Variants in DMD observed in about 807,000 individuals in gnomAD.
DMD encodes mutant dystrophin.
DMD carries 63 observed loss-of-function variants against 330.1 expected under a neutral mutation model. The observed-to-expected ratio is 0.19, with a 90% CI of 0.16 to 0.24. The LOEUF (loss-of-function observed/expected upper bound fraction) is 0.24. Ranked by LOEUF, DMD falls within the 10% of genes least tolerant of loss-of-function variation. The pLI is 1.00. For missense variants in DMD, 3,344 were observed against 2,684.1 expected (o/e 1.25, Z -5.43); for synonymous variants, 1,223 against 959.8 (o/e 1.27, Z -5.07).
rs182968772 is a variant in DMD, at chrX:33,206,490, G to A, written c.31+4792C>T. ...GTTCATAATGACAGAGTGAAAGTGA[G>A]GCATTGAGGGAGAAGGCAAAAGATC... On this transcript the variant is annotated intron_variant, in intron 1 of 78. Transcript: ENST00000357033. Among the ~76,000 whole-genome samples, 186 of 111,556 alleles carry A rather than the reference G, an allele frequency of 1.7e-3. 2 individuals carry two copies. The highest frequency in any genetic ancestry group is 5.8e-3 in the African/African-American group (179 of 30,778).
intron 22 of DMD, among the ~76,000 whole-genome samples, chrX:32,469,086 G>T (rs185711040): frequency 1.7e-3 from 191 of 110,525 alleles, no homozygotes; most frequent in African/African-American, 5.7e-3. Context: ...TTTCAGGAAA[G>T]TAAACTCTAC....
chrX:31,561,494 ACT>A (rs917491594), intron 55 of DMD, among the ~76,000 whole-genome samples: 7 of 111,785 alleles, frequency 6.3e-5, no homozygotes, highest in African/African-American at 2.3e-4. Context: ...ACATCATATT[ACT>A]CTGTTGTCCT....
intron 77 of DMD, among the ~76,000 whole-genome samples, chrX:31,130,778 TAAAG>T (rs1226625087): frequency 2.7e-5 from 3 of 111,810 alleles, no homozygotes; most frequent in African/African-American, 6.5e-5. Context: ...AAATAAAAGA[TAAAG>T]AAAGGTTAGC....
At chrX:31,456,405 C>T (rs2066163464) in intron 59 of DMD, among the ~76,000 whole-genome samples, 1 of 111,935 alleles carries the variant, frequency 8.9e-6, no homozygotes, top group African/African-American at 3.2e-5. Context: ...CGGGTAGCTA[C>T]CTTTTTGGAG....
intron 43 of DMD, among the ~76,000 whole-genome samples, chrX:32,273,969 T>C (rs994855453): frequency 1.8e-5 from 2 of 112,037 alleles, no homozygotes; most frequent in Non-Finnish European, 1.9e-5. Flanking sequence ...GAAAAGTACA[T>C]TTAGCACAGT....
At chrX:32,572,395 T>C (rs1569226914) in intron 15 of DMD, among the ~76,000 whole-genome samples, 2 of 111,686 alleles carry the variant, frequency 1.8e-5, no homozygotes. Flanking sequence ...TTTTGTTTTA[T>C]AAAAGTTCAT....
chrX:32,496,473 T>A (rs1282545716), intron 19 of DMD, among the ~76,000 whole-genome samples: 18 of 112,148 alleles, frequency 1.6e-4, no homozygotes, highest in Non-Finnish European at 1.9e-5. Context: ...TAATAGTATA[T>A]ATAAAAGTAA....
chrX:31,536,196 A>G (rs1365769469), intron 55 of DMD, among the ~76,000 whole-genome samples: 1 of 111,585 alleles, frequency 9.0e-6, no homozygotes. Context: ...ATCCTCCACT[A>G]GAATCTCCTC....
chrX:32,938,924 G>A (rs1260993734), intron 2 of DMD, among the ~76,000 whole-genome samples: 7 of 110,253 alleles, frequency 6.3e-5, no homozygotes, highest in Non-Finnish European at 1.1e-4. Flanking sequence ...GAGGATATCC[G>A]ACAATACTGA....
intron 49 of DMD, among the ~76,000 whole-genome samples, chrX:31,825,573 G>C (rs1410293471): frequency 9.0e-6 from 1 of 111,434 alleles, no homozygotes; most frequent in East Asian, 2.8e-4. Context: ...ATTTGAGTTA[G>C]CTTTAATACT....
rs140431133 is a variant in DMD at position 33,301,941 on chromosome X, T to C, written c.7+37318A>G. Among the ~76,000 whole-genome samples, 342 of 111,822 alleles carry C rather than the reference T, an allele frequency of 3.1e-3. 1 individual carries two copies. Among genetic ancestry groups the C allele is most frequent in the African/African-American group, 0.011 (332 of 30,840 alleles). On this transcript the variant is annotated intron_variant, in intron 1 of 17. Coordinates refer to the DMD transcript ENST00000288447. ...TAAGATAAAATACATACATGACACA[T>C]TTCATCATGTAAGATATTAAGTTTT...
intron 50 of DMD, among the ~76,000 whole-genome samples, chrX:31,819,454 C>T (rs1048190484): frequency 4.6e-5 from 5 of 108,768 alleles, no homozygotes; most frequent in African/African-American, 1.3e-4. Flanking sequence ...ACAATGCACA[C>T]ATCCCTGGAT....
chrX:31,748,523 T>C (rs1417792710), intron 51 of DMD, among the ~76,000 whole-genome samples: 5 of 111,978 alleles, frequency 4.5e-5, no homozygotes, highest in Non-Finnish European at 9.4e-5. Flanking sequence ...TCTACTCAAA[T>C]GTTCTGCTAC....
rs369629954 is a variant in DMD at position 33,151,606 on chromosome X, C to G, written c.31+59676G>C. The stretch of plus-strand genomic sequence containing the variant: ...TGGCCCTGTGAACTTGTATGTGAAG[C>G]CTGTCTGGGGTCAAATTCTAGCTCT... On this transcript the variant is annotated intron_variant, in intron 1 of 78. Coordinates refer to ENST00000357033, the MANE Select transcript of DMD (RefSeq NM_004006.3). Among the ~76,000 whole-genome samples the G allele has an allele frequency of 8.0e-5, 9 of 111,996 alleles. No individual in the cohort carries two copies. In the East Asian group the frequency reaches 1.1e-3, roughly 14 times the overall value.
intron 41 of DMD, among the ~76,000 whole-genome samples, chrX:32,330,613 G>A (rs2097674394): frequency 9.0e-6 from 1 of 111,457 alleles, no homozygotes; most frequent in Non-Finnish European, 1.9e-5. Flanking sequence ...GCAAACGGAG[G>A]TCAAATTGCT....
chrX:31,449,111 T>C (rs2065499366), intron 59 of DMD, among the ~76,000 whole-genome samples: 1 of 111,623 alleles, frequency 9.0e-6, no homozygotes, highest in Non-Finnish European at 1.9e-5. Flanking sequence ...TTGGAAAGAC[T>C]AGAAAGAGTA....
At chrX:33,206,011 CTCATT>C (rs974146720) in intron 1 of DMD, among the ~76,000 whole-genome samples, 1 of 111,740 alleles carries the variant, frequency 8.9e-6, no homozygotes, top group Non-Finnish European at 1.9e-5. Flanking sequence ...CATCTACATT[CTCATT>C]TCATTACATG....
At chrX:33,209,659 A>T (rs759917716) in intron 1 of DMD, among the ~76,000 whole-genome samples, 1 of 111,418 alleles carries the variant, frequency 9.0e-6, no homozygotes, top group South Asian at 3.7e-4. Flanking sequence ...AGCCCTGAGT[A>T]TATCTCCGTT....
At chrX:32,771,342 TTAAG>T (rs1177382269) in intron 7 of DMD, among the ~76,000 whole-genome samples, 1 of 111,478 alleles carries the variant, frequency 9.0e-6, no homozygotes, top group African/African-American at 3.3e-5. Context: ...CTGAAACTGA[TTAAG>T]TAAATGAAAG....
Sources: gnomAD v4.1 joint callset for allele counts (sites outside exome capture counted in the v4.1 genomes callset) on GRCh38, gnomAD v4.1.1 for gene constraint, MANE v1.5 for transcripts, NCBI Gene and HGNC (gene_info 2026-07-23, HGNC 2026-07-21) for gene names.